The following NEGR1 variants were observed in gnomAD, a reference collection of about 807,000 sequenced individuals.
NEGR1 encodes the protein IgLON family member 4.
A neutral mutation model predicts 40.9 loss-of-function variants in NEGR1; 10 were observed. The ratio of observed to expected loss-of-function variants is 0.24; its 90% confidence interval spans 0.15 to 0.42. The LOEUF (loss-of-function observed/expected upper bound fraction) is 0.42. Among genes scored for constraint, NEGR1 ranks in the 10% least tolerant of loss-of-function variants. The pLI is 1.00. For missense variants in NEGR1, 352 were observed against 438.9 expected (o/e 0.80, Z 1.77); for synonymous variants, 185 against 166.8 (o/e 1.11, Z -0.84).
At chr1:71,932,493 C>T (rs897230993) in intron 2 of NEGR1, among the ~76,000 whole-genome samples, 10 of 151,914 alleles carry the variant, frequency 6.6e-5, no homozygotes, top group Non-Finnish European at 1.0e-4. Flanking sequence ...CTCCACTGCT[C>T]CATTTATTTA....
intron 6 of NEGR1, among the ~76,000 whole-genome samples, chr1:71,485,609 A>G (rs1044008674): frequency 1.3e-5 from 2 of 151,344 alleles, no homozygotes; most frequent in Non-Finnish European, 3.0e-5. Context: ...CCTTTCCCCA[A>G]CCCTTGGCAA....
intron 6 of NEGR1, among the ~76,000 whole-genome samples, chr1:71,415,463 G>C (rs948801814): frequency 1.6e-4 from 25 of 151,880 alleles, no homozygotes; most frequent in Admixed American, 3.3e-4. Flanking sequence ...ATTACATTAG[G>C]AATTTTAAAC....
chr1:71,967,411 T>C (rs1459683263), intron 1 of NEGR1, among the ~76,000 whole-genome samples: 3 of 152,142 alleles, frequency 2.0e-5, no homozygotes, highest in Non-Finnish European at 4.4e-5. Context: ...ACAGTGGATA[T>C]AAATTTTATA....
intron 1 of NEGR1, among the ~76,000 whole-genome samples, chr1:71,984,835 C>T (rs1003784816): frequency 3.9e-5 from 6 of 151,962 alleles, no homozygotes; most frequent in Admixed American, 6.6e-5. Context: ...TTATTTTTAG[C>T]TGTATAAACT....
At chr1:72,095,139 T>C (rs1431839667) in intron 1 of NEGR1, among the ~76,000 whole-genome samples, 1 of 152,166 alleles carries the variant, frequency 6.6e-6, no homozygotes, top group African/African-American at 2.4e-5. Flanking sequence ...GCTTCTTATA[T>C]TGTCTATATA....
chr1:71,997,129 G>A (rs978711882), intron 1 of NEGR1, among the ~76,000 whole-genome samples: 1 of 151,966 alleles, frequency 6.6e-6, no homozygotes, highest in Non-Finnish European at 1.5e-5. Flanking sequence ...TATGTATCAA[G>A]CTACCTGTTG....
chr1:71,921,404 A>G (rs1485959606), intron 2 of NEGR1, among the ~76,000 whole-genome samples: 4 of 152,042 alleles, frequency 2.6e-5, no homozygotes, highest in Non-Finnish European at 5.9e-5. Context: ...TCAAGAGTCC[A>G]TGTACACTTG....
chr1:71,637,486 GGTATCATGCAA>G (rs1296847918), intron 4 of NEGR1, among the ~76,000 whole-genome samples: 1 of 151,682 alleles, frequency 6.6e-6, no homozygotes, highest in Non-Finnish European at 1.5e-5. Context: ...TATATAATTT[GGTATCATGCAA>G]CCCTATTTCT....
chr1:72,074,738 C>T (rs533704483), intron 1 of NEGR1, among the ~76,000 whole-genome samples: 35 of 152,126 alleles, frequency 2.3e-4, no homozygotes, highest in African/African-American at 6.0e-4. Flanking sequence ...TTACTTCATT[C>T]TATATTTTCA....
intron 5 of NEGR1, among the ~76,000 whole-genome samples, chr1:71,603,068 G>A (rs1329742238): frequency 1.3e-5 from 2 of 152,136 alleles, no homozygotes; most frequent in East Asian, 1.9e-4. Context: ...ATATAATAAT[G>A]AGATAACACT....
intron 6 of NEGR1, among the ~76,000 whole-genome samples, chr1:71,481,259 T>C (rs930187370): frequency 6.6e-5 from 10 of 151,980 alleles, no homozygotes; most frequent in African/African-American, 2.2e-4. Flanking sequence ...GGGTGCTCAA[T>C]TGGTGCTCAC....
At chr1:71,996,801 C>T (rs1646508395) in intron 1 of NEGR1, among the ~76,000 whole-genome samples, 1 of 152,074 alleles carries the variant, frequency 6.6e-6, no homozygotes, top group Non-Finnish European at 1.5e-5. Context: ...ACACCTTTCA[C>T]TTTTTACCTC....
chr1:71,796,427 T>C (rs1657327688), intron 2 of NEGR1, among the ~76,000 whole-genome samples: 1 of 152,082 alleles, frequency 6.6e-6, no homozygotes, highest in Non-Finnish European at 1.5e-5. Context: ...TTAGAAAAAA[T>C]AATCGAGAAA....
At chr1:71,676,653 A>G (rs985912402) in intron 4 of NEGR1, among the ~76,000 whole-genome samples, 3 of 152,170 alleles carry the variant, frequency 2.0e-5, no homozygotes, top group Admixed American at 1.3e-4. Context: ...TCTCTTCTCA[A>G]TGTAACCCAC....
Position 72,051,384 on chromosome 1 carries a change from A to T in NEGR1, c.177-116073T>A, listed in dbSNP as rs1647058852. On this transcript the variant is annotated intron_variant, in intron 1 of 6. Transcript: ENST00000357731. ...ATACATTGTGAAGCAAAAAGAAGAA[A>T]CACTTCTTTTGGCACGATCATCGTG... Among the ~76,000 whole-genome samples the T allele has an allele frequency of 2.0e-5, 3 of 151,520 alleles. No individual in the cohort carries two copies. The Admixed American group carries it at 2.0e-4, about 10-fold the overall frequency.
intron 5 of NEGR1, among the ~76,000 whole-genome samples, chr1:71,594,558 TA>T (rs1649626121): frequency 6.6e-6 from 1 of 152,226 alleles, no homozygotes; most frequent in Non-Finnish European, 1.5e-5. Flanking sequence ...AAGTGTGAGT[TA>T]AATAAACATT....
intron 3 of NEGR1, among the ~76,000 whole-genome samples, chr1:71,738,561 C>T (rs1333231784): frequency 6.6e-6 from 1 of 152,094 alleles, no homozygotes; most frequent in Non-Finnish European, 1.5e-5. Flanking sequence ...TCAGTTGTCG[C>T]CCTCAAGGGA....
At chr1:71,519,897 G>A (rs961240373) in intron 6 of NEGR1, among the ~76,000 whole-genome samples, 3 of 151,980 alleles carry the variant, frequency 2.0e-5, no homozygotes, top group African/African-American at 7.2e-5. Context: ...ATAGACCTGA[G>A]ACTAGGTGTG....
At chr1:71,550,456 G>A (rs575743903) in intron 6 of NEGR1, among the ~76,000 whole-genome samples, 2 of 151,386 alleles carry the variant, frequency 1.3e-5, no homozygotes, top group African/African-American at 4.8e-5. Context: ...TGACTTCTTT[G>A]TTACTTACCC....
Sources: gnomAD v4.1 joint callset for allele counts (sites outside exome capture counted in the v4.1 genomes callset) on GRCh38, gnomAD v4.1.1 for gene constraint, MANE v1.5 for transcripts, NCBI Gene and HGNC (gene_info 2026-07-23, HGNC 2026-07-21) for gene names.